The following FZD3 variants were observed in gnomAD, a reference collection of about 807,000 sequenced individuals.
FZD3 encodes frizzled-3.
A neutral mutation model predicts 60.7 loss-of-function variants in FZD3; 30 were observed. The ratio of observed to expected loss-of-function variants is 0.49; its 90% CI spans 0.37 to 0.67. The LOEUF (loss-of-function observed/expected upper bound fraction) is 0.67. Among genes scored for constraint, FZD3 ranks in the 30% least tolerant of loss-of-function variants. The pLI is 0.00. For synonymous variants in FZD3, 246 were observed against 275.2 expected, an observed-to-expected ratio of 0.89 and a Z score of 1.05; for missense variants, 605 against 838.7, an observed-to-expected ratio of 0.72 and a Z score of 3.44.
In FZD3 at chr8:28,573,496, C is replaced by G. The variant is rs191519366; in HGVS notation, c.*10485C>G. On this transcript the variant is annotated 3_prime_UTR_variant, in exon 8 of 8. Coordinates refer to ENST00000240093, the MANE Select transcript of FZD3 (RefSeq NM_017412.4). ...GATGTCTGAAACTACTGTATATTTT[C>G]AATGACCTTGAGAAAGGGAGCTAGT... 1.5e-4 allele frequency: 23 copies of G among 151,780 alleles called. No individual in the cohort carries two copies. In the East Asian group the frequency reaches 4.3e-3, roughly 28 times the overall value. 9.4% of individuals were successfully genotyped at this position (151,780 alleles called of 1,614,324 possible). A position where few individuals can be genotyped will look rare whatever the true frequency, so the allele number is the denominator to read the frequency against.
intron 5 of FZD3, among the ~76,000 whole-genome samples, chr8:28,538,562 A>T (rs1291669794): frequency 6.6e-6 from 1 of 152,198 alleles, no homozygotes; most frequent in African/African-American, 2.4e-5. Flanking sequence ...TACAGACTTA[A>T]CATCATTTTA....
At chr8:28,539,461 C>T (rs2130424579) in intron 5 of FZD3, among the ~76,000 whole-genome samples, 1 of 152,206 alleles carries the variant, frequency 6.6e-6, no homozygotes, top group East Asian at 1.9e-4. Context: ...ACATAATAAG[C>T]CGTTATATTT....
In FZD3 at chr8:28,520,410, C is replaced by T. The variant is rs370803927; in HGVS notation, c.190-228C>T. On this transcript the variant is annotated intron_variant, in intron 3 of 7. Coordinates refer to ENST00000240093, the MANE Select transcript of FZD3 (RefSeq NM_017412.4). ...TCTTCATCAATATCACCTGTAATAC[C>T]TAAACTATACATATAGATTCTGGGA... Among the ~76,000 whole-genome samples, 22 of 152,028 alleles carry T rather than the reference C, an allele frequency of 1.4e-4. 1 individual carries two copies. The highest frequency in any genetic ancestry group is 4.8e-4 in the African/African-American group (20 of 41,456).
chr8:28,521,011 AAATG>A (rs1482867990), intron 4 of FZD3, among the ~76,000 whole-genome samples, 177 bp downstream of exon 4: 1 of 152,232 alleles, frequency 6.6e-6, no homozygotes, highest in African/African-American at 2.4e-5. Flanking sequence ...TGGAAGCACT[AAATG>A]AAAAAGAAAA....
At chr8:28,499,911 C>A (rs1433239713) in intron 1 of FZD3, 22 bp from the exon 2 acceptor site, 2 of 151,888 alleles carry the variant, frequency 1.3e-5, no homozygotes, top group Non-Finnish European at 2.9e-5. Flanking sequence ...TACCTTTATT[C>A]TTTTTAATTA....
At chr8:28,497,021 G>GT (rs1201427867) in intron 1 of FZD3, among the ~76,000 whole-genome samples, 1 of 152,114 alleles carries the variant, frequency 6.6e-6, no homozygotes, top group Non-Finnish European at 1.5e-5. Flanking sequence ...TAACTTTCCA[G>GT]TTTTATTTTC....
rs907103307 is a variant in FZD3 at position 28,564,508 on chromosome 8, C to G, written c.*1497C>G. On this transcript the variant is annotated 3_prime_UTR_variant, in exon 8 of 8. Coordinates refer to ENST00000240093, the MANE Select transcript of FZD3 (RefSeq NM_017412.4). Reference sequence around the variant, plus strand: ...AATCTGCAGCCTGGCTTGAAACTCACTACTTTAACTTGCCCCTGATGATCT... The same window carrying G: ...AATCTGCAGCCTGGCTTGAAACTCAGTACTTTAACTTGCCCCTGATGATCT... The G allele has an allele frequency of 2.1e-4, 30 of 145,542 alleles. No homozygotes were observed. Among genetic ancestry groups the G allele is most frequent in the African/African-American group, 7.2e-4 (29 of 40,008 alleles). The allele number at this position is 145,542 out of a possible 1,614,324, so 9.0% of individuals were successfully genotyped here.
chr8:28,510,176 T>G (rs1373361952), intron 3 of FZD3, among the ~76,000 whole-genome samples: 2 of 152,236 alleles, frequency 1.3e-5, no homozygotes, highest in East Asian at 1.9e-4. Context: ...GACATGATCC[T>G]TATTTTTTTA....
intron 6 of FZD3, 129 bp downstream of exon 6, chr8:28,551,880 C>G: frequency 1.3e-6 from 1 of 755,132 alleles, no homozygotes; most frequent in Non-Finnish European, 2.1e-6. Context: ...CAGCAGTATC[C>G]AGTTATGATT....
chr8:28,551,197 G>A (rs1805403660), intron 5 of FZD3, among the ~76,000 whole-genome samples: 1 of 152,108 alleles, frequency 6.6e-6, no homozygotes, highest in Non-Finnish European at 1.5e-5. Flanking sequence ...CCTTATAAAT[G>A]AAAACATCAA....
At chr8:28,495,876 A>C (rs1487887094) in intron 1 of FZD3, among the ~76,000 whole-genome samples, 7 of 151,934 alleles carry the variant, frequency 4.6e-5, no homozygotes, top group Admixed American at 4.6e-4. Context: ...TGAAACTATT[A>C]GGAAAATAAG....
chr8:28,520,150 C>T (rs1804537324), intron 3 of FZD3, among the ~76,000 whole-genome samples: 1 of 146,350 alleles, frequency 6.8e-6, no homozygotes, highest in Admixed American at 7.0e-5. Flanking sequence ...GCAGAGGTTG[C>T]AGTGAGCTGA....
At chr8:28,538,392 C>G (rs1002153933) in intron 5 of FZD3, among the ~76,000 whole-genome samples, 2 of 152,098 alleles carry the variant, frequency 1.3e-5, no homozygotes, top group Non-Finnish European at 2.9e-5. Context: ...CTATGCTCAA[C>G]AATTTACACA....
intron 3 of FZD3, among the ~76,000 whole-genome samples, chr8:28,508,054 A>G (rs1348481766): frequency 6.6e-6 from 1 of 152,038 alleles, no homozygotes; most frequent in Non-Finnish European, 1.5e-5. Flanking sequence ...ATGCCTGGCT[A>G]ATTTTAAAGA....
At chr8:28,531,738 T>C (rs1804880794) in intron 5 of FZD3, among the ~76,000 whole-genome samples, 1 of 152,204 alleles carries the variant, frequency 6.6e-6, no homozygotes, top group African/African-American at 2.4e-5. Context: ...GGGGTTTCTC[T>C]GTGATTTACC....
intron 5 of FZD3, among the ~76,000 whole-genome samples, chr8:28,542,252 C>G (rs1254332836): frequency 6.6e-6 from 1 of 152,160 alleles, no homozygotes; most frequent in Non-Finnish European, 1.5e-5. Flanking sequence ...CAAACTTGTT[C>G]TGTCAGGATT....
intron 3 of FZD3, among the ~76,000 whole-genome samples, chr8:28,519,586 C>G (rs1045965240): frequency 2.0e-5 from 3 of 151,614 alleles, no homozygotes; most frequent in Admixed American, 2.0e-4. Context: ...AAAAATTAAC[C>G]CTGTGTGGTG....
At position 28,494,306 on chromosome 8, in the gene FZD3, G is replaced by A. The variant is rs1585931759; in HGVS notation, c.-428G>A. The A allele has an allele frequency of 6.6e-6, 1 of 151,352 alleles. No homozygotes were observed. Among genetic ancestry groups the A allele is most frequent in the Non-Finnish European group, 1.5e-5 (1 of 67,806 alleles). The allele number at this position is 151,352 out of a possible 1,614,324, so 9.4% of individuals were successfully genotyped here. ...GCGGCCGCCCGCGGCAGGCGGTGCA[G>A]CCCCCCCACCCCTTGGAGCCAGGCG... On this transcript the variant is annotated 5_prime_UTR_variant, in exon 1 of 8. Coordinates refer to ENST00000240093, the MANE Select transcript of FZD3 (RefSeq NM_017412.4).
chr8:28,535,397 A>G (rs1225882394), intron 5 of FZD3, among the ~76,000 whole-genome samples: 1 of 152,190 alleles, frequency 6.6e-6, no homozygotes, highest in African/African-American at 2.4e-5. Flanking sequence ...ATAGTGATAC[A>G]TTATTATTAA....
Sources: gnomAD v4.1 joint callset for allele counts (sites outside exome capture counted in the v4.1 genomes callset) on GRCh38, gnomAD v4.1.1 for gene constraint, MANE v1.5 for transcripts, NCBI Gene and HGNC (gene_info 2026-07-23, HGNC 2026-07-21) for gene names.